The following SLC8A1 variants were observed in gnomAD, a reference collection of about 807,000 sequenced individuals.
The protein encoded by SLC8A1 is solute carrier family 8 member A1, also known as sodium/calcium exchanger 1.
In SLC8A1, 18 loss-of-function variants were observed where a neutral mutation model predicts 68.3. The observed-to-expected ratio is 0.26, with a 90% CI of 0.18 to 0.39. SLC8A1 has a LOEUF of 0.39. Ranked by LOEUF, SLC8A1 falls within the 10% of genes least tolerant of loss-of-function variation. SLC8A1 has a pLI of 1.00. For synonymous variants in SLC8A1, 475 were observed against 415.5 expected (o/e 1.14, Z -1.74); for missense variants, 985 against 1,156.7 (o/e 0.85, Z 2.15).
At chr2:40,364,165 G>T (rs1238099775) in intron 2 of SLC8A1, among the ~76,000 whole-genome samples, 2 of 151,986 alleles carry the variant, frequency 1.3e-5, no homozygotes, top group East Asian at 1.9e-4. Flanking sequence ...TATTTTTAAA[G>T]AAGTATCAGA....
intron 4 of SLC8A1, 45 bp from the exon 8 acceptor site, chr2:40,165,029 A>G: frequency 6.2e-7 from 1 of 1,610,176 alleles, no homozygotes. Flanking sequence ...GTTCTGTTTA[A>G]TTTGGAAATC....
At chr2:40,425,340 TA>T (rs1390620935) in intron 2 of SLC8A1, among the ~76,000 whole-genome samples, 1 of 151,868 alleles carries the variant, frequency 6.6e-6, no homozygotes, top group Non-Finnish European at 1.5e-5. Flanking sequence ...ATTTCTACAC[TA>T]AAAATAAGAT....
intron 2 of SLC8A1, among the ~76,000 whole-genome samples, chr2:40,412,136 T>C (rs1692335596): frequency 6.6e-6 from 1 of 152,160 alleles, no homozygotes; most frequent in African/African-American, 2.4e-5. Context: ...ATGTTCTTCA[T>C]GGCGTTGCTA....
chr2:40,352,680 C>T (rs569226009), intron 2 of SLC8A1, among the ~76,000 whole-genome samples: 80 of 152,322 alleles, frequency 5.3e-4, no homozygotes, highest in African/African-American at 1.9e-3. Flanking sequence ...CTCCAAGAGT[C>T]GGCCTACTCA....
chr2:40,170,950 G>A (rs894327530), intron 4 of SLC8A1, among the ~76,000 whole-genome samples: 2 of 152,116 alleles, frequency 1.3e-5, no homozygotes, highest in Non-Finnish European at 2.9e-5. Context: ...GCAGAGGTAG[G>A]CCATCGTCAC....
chr2:40,456,088 G>A (rs776574928), upstream of SLC8A1, among the ~76,000 whole-genome samples: 5 of 152,106 alleles, frequency 3.3e-5, no homozygotes, highest in Admixed American at 2.0e-4. Context: ...AGGTTGAGGC[G>A]GGTGGATCAC....
At chr2:40,504,251 C>T (rs1706229461) in intron 1 of SLC8A1, among the ~76,000 whole-genome samples, 1 of 151,876 alleles carries the variant, frequency 6.6e-6, no homozygotes, top group Non-Finnish European at 1.5e-5. Flanking sequence ...AACTGAATAT[C>T]CATATGTAGA....
intron 2 of SLC8A1, chr2:40,254,469 T>G (rs1237372191): frequency 8.7e-6 from 1 of 115,342 alleles, no homozygotes; most frequent in Non-Finnish European, 1.9e-5. Flanking sequence ...TGAAGCTAAA[T>G]GCAGTAAAGA....
chr2:40,205,360 G>A (rs2055201763), intron 2 of SLC8A1, among the ~76,000 whole-genome samples: 1 of 151,996 alleles, frequency 6.6e-6, no homozygotes, highest in Non-Finnish European at 1.5e-5. Context: ...TACAGCTGTG[G>A]AATGCTTCAA....
At chr2:40,211,644 A>C (rs2056601828) in intron 2 of SLC8A1, among the ~76,000 whole-genome samples, 1 of 152,192 alleles carries the variant, frequency 6.6e-6, no homozygotes, top group East Asian at 1.9e-4. Context: ...ATGGAAGTGA[A>C]ATGAATGGAT....
At chr2:40,481,253 C>G (rs1258890150) in intron 1 of SLC8A1, among the ~76,000 whole-genome samples, 1 of 152,178 alleles carries the variant, frequency 6.6e-6, no homozygotes, top group African/African-American at 2.4e-5. Context: ...TGTGGCATAT[C>G]TTACTATAGC....
At chr2:40,182,538 G>T (rs2049818190) in intron 2 of SLC8A1, among the ~76,000 whole-genome samples, 1 of 152,116 alleles carries the variant, frequency 6.6e-6, no homozygotes, top group Admixed American at 6.6e-5. Flanking sequence ...TTATTCAGTG[G>T]AAAAATACAG....
At chr2:40,484,562 T>A (rs894421655) in intron 1 of SLC8A1, among the ~76,000 whole-genome samples, 1 of 152,174 alleles carries the variant, frequency 6.6e-6, no homozygotes, top group Non-Finnish European at 1.5e-5. Context: ...ATCACCCGAA[T>A]CTAACGCGAG....
chr2:40,280,326 C>T (rs937413592), intron 2 of SLC8A1, among the ~76,000 whole-genome samples: 2 of 149,128 alleles, frequency 1.3e-5, no homozygotes, highest in African/African-American at 4.9e-5. Flanking sequence ...CATTCTGTCA[C>T]AGGATAAAAC....
chr2:40,450,372 ACGCG>A (rs995523509), intron 1 of SLC8A1, among the ~76,000 whole-genome samples: 1 of 144,146 alleles, frequency 6.9e-6, no homozygotes, highest in Non-Finnish European at 1.6e-5. Context: ...GTGTGTGTGC[ACGCG>A]CGCGCGCTGG....
intron 2 of SLC8A1, among the ~76,000 whole-genome samples, chr2:40,186,932 A>G (rs1196635640): frequency 6.6e-6 from 1 of 152,250 alleles, no homozygotes; most frequent in East Asian, 1.9e-4. Flanking sequence ...TATTGCATGC[A>G]AAAATTATTT....
intron 1 of SLC8A1, among the ~76,000 whole-genome samples, chr2:40,494,116 T>C (rs1354029401): frequency 1.3e-5 from 2 of 151,904 alleles, no homozygotes; most frequent in Non-Finnish European, 2.9e-5. Context: ...CTGCATTTTG[T>C]AATAATAATA....
At chr2:40,391,859 G>C (rs1226627235) in intron 2 of SLC8A1, among the ~76,000 whole-genome samples, 1 of 152,086 alleles carries the variant, frequency 6.6e-6, no homozygotes, top group African/African-American at 2.4e-5. Context: ...AGAGCCCTCA[G>C]CCTCATGTCA....
intron 2 of SLC8A1, among the ~76,000 whole-genome samples, chr2:40,332,876 A>AT (rs2076559796): frequency 6.6e-6 from 1 of 152,222 alleles, no homozygotes; most frequent in Non-Finnish European, 1.5e-5. Context: ...CCCAAATGGC[A>AT]TGGTGGAGCA....
Sources: allele counts gnomAD v4.1 joint callset (sites outside exome capture counted in the v4.1 genomes callset), GRCh38; gene constraint gnomAD v4.1.1; transcripts MANE v1.5; gene names NCBI Gene and HGNC (gene_info 2026-07-23, HGNC 2026-07-21).